Variants in PAH observed in about 807,000 individuals in gnomAD.
PAH encodes the protein phenylalanine hydroxylase.
A neutral mutation model predicts 62.0 loss-of-function variants in PAH; 64 were observed. The observed-to-expected ratio is 1.03, with a 90% confidence interval of 0.84 to 1.27. The LOEUF (loss-of-function observed/expected upper bound fraction) is 1.27. Among genes scored for constraint, PAH ranks in the 50% most tolerant of loss-of-function variants. The probability of loss-of-function intolerance (pLI) is 0.00; values close to 1 mark genes in which losing one functional copy is unlikely to be tolerated. For missense variants in PAH, 579 were observed against 542.8 expected, an observed-to-expected ratio of 1.07 and a Z score of -0.66; for synonymous variants, 195 against 196.2, an observed-to-expected ratio of 0.99 and a Z score of 0.05.
At chr12:102,858,122 T>G (rs1875528673) in intron 5 of PAH, among the ~76,000 whole-genome samples, 2 of 152,128 alleles carry the variant, frequency 1.3e-5, no homozygotes, top group Admixed American at 1.3e-4. Context: ...AATAAAGGGA[T>G]GGAGGAAGAT....
chr12:102,867,950 CATATATAGATGTATATATACATGT>C (rs1565854407), intron 4 of PAH, among the ~76,000 whole-genome samples: 18 of 95,910 alleles, frequency 1.9e-4, no homozygotes, highest in Admixed American at 1.6e-3. Context: ...CATGTATATA[CATATATAGATGTATATATACATGT>C]ATATATAGAT....
intron 1 of PAH, among the ~76,000 whole-genome samples, chr12:102,934,405 C>T (rs977207675): frequency 9.8e-5 from 14 of 142,624 alleles, no homozygotes; most frequent in African/African-American, 3.4e-4. Context: ...TTTGGATATT[C>T]TGGGTGTTTC....
chr12:102,844,177 T>A (rs544080393), intron 10 of PAH, among the ~76,000 whole-genome samples, 159 bp downstream of exon 10: 2 of 152,334 alleles, frequency 1.3e-5, no homozygotes, highest in South Asian at 4.1e-4. Context: ...ACAGCCATCA[T>A]CAAATCATAG....
intron 1 of PAH, among the ~76,000 whole-genome samples, chr12:102,926,859 G>A (rs1441992969): frequency 1.4e-5 from 2 of 147,880 alleles, no homozygotes; most frequent in Admixed American, 6.8e-5. Context: ...ATATGCTACT[G>A]TACCTCTCTT....
chr12:102,838,150 C>G lies in PAH; in HGVS notation c.*1025G>C, dbSNP rs1307370849. On this transcript the variant is annotated 3_prime_UTR_variant, in exon 13 of 13. Coordinates refer to ENST00000553106, the MANE Select transcript of PAH (RefSeq NM_000277.3). ...TGGCAAACACACAATCAACAAAAGTCAAAGTCCGTTGACTGTCCAGGCATG... is the reference window on the plus strand; with the variant it reads ...TGGCAAACACACAATCAACAAAAGTGAAAGTCCGTTGACTGTCCAGGCATG... 6.6e-6 allele frequency: 1 copy of G among 152,136 alleles called. No homozygotes were observed. The highest frequency in any genetic ancestry group is 6.5e-5 in the Admixed American group (1 of 15,276). 9.4% of individuals were successfully genotyped at this position (152,136 alleles called of 1,614,324 possible).
Position 102,917,127 on chromosome 12 carries a change from A to C in PAH, c.4T>G (p.Ser2Ala). The C allele has an allele frequency of 1.2e-6, 2 of 1,614,162 alleles. No individual in the cohort carries two copies. The highest frequency in any genetic ancestry group is 1.7e-6 in the Non-Finnish European group (2 of 1,180,004). ...CCTGGGTTTTCCAGGACCGCAGTGGACATGCTGGCTCCCCGGGAGTGAGGT... is the reference window on the plus strand; with the variant it reads ...CCTGGGTTTTCCAGGACCGCAGTGGCCATGCTGGCTCCCCGGGAGTGAGGT... MSTAVLENPGLG... is the reference protein window; with the variant it reads MATAVLENPGLG... The change falls in exon 1 of 13, where the codon TCC becomes GCC. Residue 2 changes from serine (S) to alanine (A), a missense_variant. Coordinates refer to ENST00000553106, the MANE Select transcript of PAH (RefSeq NM_000277.3).
intron 8 of PAH, among the ~76,000 whole-genome samples, chr12:102,847,904 G>A (rs1387609337): frequency 1.3e-5 from 2 of 152,208 alleles, no homozygotes; most frequent in South Asian, 2.1e-4. Context: ...AAAAGGCAGC[G>A]TTGTTTGGGT....
chr12:102,938,607 G>T (rs1304565865), intron 1 of PAH, among the ~76,000 whole-genome samples: 2 of 152,080 alleles, frequency 1.3e-5, no homozygotes, highest in Non-Finnish European at 2.9e-5. Flanking sequence ...TCCCACCTAA[G>T]CATTTGGGCC....
intron 4 of PAH, among the ~76,000 whole-genome samples, chr12:102,872,665 G>C (rs1292867050): frequency 1.3e-5 from 2 of 152,214 alleles, no homozygotes; most frequent in African/African-American, 4.8e-5. Flanking sequence ...CCCACACCTT[G>C]AAAGGTTAAA....
intron 3 of PAH, among the ~76,000 whole-genome samples, chr12:102,884,718 G>A (rs1876959012): frequency 6.6e-6 from 1 of 152,124 alleles, no homozygotes; most frequent in Admixed American, 6.5e-5. Flanking sequence ...GGCCACTAGA[G>A]GCCAAGCCAG....
intron 1 of PAH, among the ~76,000 whole-genome samples, chr12:102,949,576 T>C (rs1331784946): frequency 6.6e-6 from 1 of 152,196 alleles, no homozygotes; most frequent in African/African-American, 2.4e-5. Context: ...TTAAGTGACT[T>C]GCCTTTTCAT....
At chr12:102,843,844 C>T in intron 10 of PAH, 65 bp from the exon 11 acceptor site, 2 of 1,549,122 alleles carry the variant, frequency 1.3e-6, no homozygotes, top group Non-Finnish European at 1.8e-6. Context: ...CTGCTGCATC[C>T]CATAGGCCAT....
intron 9 of PAH, 46 bp from the exon 10 acceptor site, chr12:102,844,477 TTTATGTGTCACCTTGAC>T (rs1193277822): frequency 8.0e-7 from 1 of 1,254,060 alleles, no homozygotes; most frequent in African/African-American, 1.5e-5. Context: ...GATGGTTAAT[TTTATGTGTCACCTTGAC>T]TGGATGAAGG....
At chr12:102,931,702 C>T (rs188518121) in intron 1 of PAH, among the ~76,000 whole-genome samples, 1 of 152,218 alleles carries the variant, frequency 6.6e-6, no homozygotes, top group African/African-American at 2.4e-5. Flanking sequence ...CCGTTAGCAC[C>T]CTGTTGACAT....
intron 5 of PAH, among the ~76,000 whole-genome samples, chr12:102,862,098 A>G (rs1875753403): frequency 6.6e-6 from 1 of 152,142 alleles, no homozygotes; most frequent in South Asian, 2.1e-4. Flanking sequence ...AAAGACACAT[A>G]CACGCATATG....
intron 5 of PAH, among the ~76,000 whole-genome samples, chr12:102,858,446 G>T (rs11830010): frequency 8.6e-4 from 131 of 152,298 alleles, no homozygotes; most frequent in African/African-American, 3.1e-3. Flanking sequence ...GGATGTCCAG[G>T]AATTGAACTC....
upstream of PAH, among the ~76,000 whole-genome samples, chr12:102,919,553 T>A (rs748002407): frequency 6.6e-5 from 10 of 152,174 alleles, no homozygotes; most frequent in Non-Finnish European, 1.5e-4. Flanking sequence ...TCTTTCTATA[T>A]TTTTTTGTAC....
chr12:102,910,113 T>C (rs1233174462), intron 2 of PAH, among the ~76,000 whole-genome samples: 2 of 152,194 alleles, frequency 1.3e-5, no homozygotes, highest in African/African-American at 4.8e-5. Context: ...GTTGAGGATA[T>C]AAACATGACT....
chr12:102,891,027 T>G (rs1167429607), intron 3 of PAH, among the ~76,000 whole-genome samples: 5 of 152,256 alleles, frequency 3.3e-5, no homozygotes, highest in African/African-American at 1.2e-4. Flanking sequence ...GAGGTTGCAG[T>G]GAGCAGAGAT....
Sources: gnomAD v4.1 joint callset for allele counts (sites outside exome capture counted in the v4.1 genomes callset) on GRCh38, gnomAD v4.1.1 for gene constraint, MANE v1.5 for transcripts, NCBI Gene and HGNC (gene_info 2026-07-23, HGNC 2026-07-21) for gene names.